GRM7: variants seen among roughly 807,000 people sequenced by gnomAD.
GRM7 encodes metabotropic glutamate receptor 7.
A neutral mutation model predicts 84.5 loss-of-function variants in GRM7; 35 were observed. That is an observed-to-expected ratio of 0.41 (90% confidence interval 0.32 to 0.55). The LOEUF is 0.55. Among genes scored for constraint, GRM7 ranks in the 20% least tolerant of loss-of-function variants. The pLI is 0.19. For synonymous variants in GRM7, 487 were observed against 455.1 expected (o/e 1.07, Z -0.89); for missense variants, 1,003 against 1,194.6 (o/e 0.84, Z 2.36).
chr3:7,651,011 T>A (rs1698911119), intron 8 of GRM7, among the ~76,000 whole-genome samples: 1 of 151,470 alleles, frequency 6.6e-6, no homozygotes, highest in Non-Finnish European at 1.5e-5. Flanking sequence ...ACTTTTTGAT[T>A]TGAAGGAAAA....
chr3:6,962,506 GGAA>G (rs1204629470), intron 1 of GRM7, among the ~76,000 whole-genome samples: 1 of 152,020 alleles, frequency 6.6e-6, no homozygotes, highest in Non-Finnish European at 1.5e-5. Context: ...TAAAACCTGA[GGAA>G]CATGAATATA....
intron 1 of GRM7, among the ~76,000 whole-genome samples, chr3:6,923,936 C>T (rs1697214007): frequency 6.6e-6 from 1 of 152,192 alleles, no homozygotes; most frequent in African/African-American, 2.4e-5. Flanking sequence ...CTTCTGTTCA[C>T]TCATGACAAT....
chr3:6,864,390 C>T (rs1266391127), intron 1 of GRM7, among the ~76,000 whole-genome samples: 1 of 152,166 alleles, frequency 6.6e-6, no homozygotes, highest in Admixed American at 6.5e-5. Context: ...ATCTTAGACG[C>T]TCCTGTCATG....
Position 7,363,554 on chromosome 3 carries a change from C to A in GRM7, c.1034-51469C>A, listed in dbSNP as rs547649254. ...TTATGATTATATACAAGTTTATACC[C>A]TTAATGGAAGAATAATGTATTCCCC... On this transcript the variant is annotated intron_variant, in intron 4 of 9. Transcript: ENST00000357716. 5.3e-5 allele frequency among the ~76,000 whole-genome samples: 8 copies of A among 152,140 alleles called. No homozygotes were observed. In the South Asian group the frequency reaches 1.7e-3, roughly 32 times the overall value.
At chr3:7,348,742 A>G (rs887267442) in intron 4 of GRM7, among the ~76,000 whole-genome samples, 1 of 152,014 alleles carries the variant, frequency 6.6e-6, no homozygotes, top group Non-Finnish European at 1.5e-5. Flanking sequence ...TACATCTCAG[A>G]TCTACTGAAT....
At chr3:7,171,739 A>G (rs1198394772) in intron 2 of GRM7, among the ~76,000 whole-genome samples, 1 of 152,160 alleles carries the variant, frequency 6.6e-6, no homozygotes, top group Non-Finnish European at 1.5e-5. Context: ...CATGAGACAT[A>G]GAGGCGTGAC....
At chr3:7,112,818 A>G (rs1163803209) in intron 1 of GRM7, among the ~76,000 whole-genome samples, 1 of 152,190 alleles carries the variant, frequency 6.6e-6, no homozygotes, top group Non-Finnish European at 1.5e-5. Flanking sequence ...TTTCAAGGTC[A>G]TGAGTGACTG....
Position 7,131,614 on chromosome 3 carries a change from G to A in GRM7, c.520-14838G>A, listed in dbSNP as rs149783571. ...CTGCCTCGGCCTCCTGAGTAGCGGG[G>A]ACTACAGGTGCACGCCACCATGCCC... On this transcript the variant is annotated intron_variant, in intron 1 of 9. Coordinates refer to ENST00000357716, the MANE Select transcript of GRM7 (RefSeq NM_000844.4). Among the ~76,000 whole-genome samples, 305 of 152,122 alleles carry A rather than the reference G, an allele frequency of 2.0e-3. 10 individuals carry two copies. In the East Asian group the frequency reaches 0.048, roughly 24 times the overall value.
intron 8 of GRM7, among the ~76,000 whole-genome samples, chr3:7,662,557 G>A (rs1430301762): frequency 6.6e-6 from 1 of 152,198 alleles, no homozygotes; most frequent in African/African-American, 2.4e-5. Context: ...TGTATCATAT[G>A]TTAGATGATA....
intron 1 of GRM7, among the ~76,000 whole-genome samples, chr3:6,892,389 A>G (rs907017125): frequency 6.6e-6 from 1 of 152,116 alleles, no homozygotes; most frequent in Non-Finnish European, 1.5e-5. Flanking sequence ...TATAATTTTG[A>G]TAGCGTGCCC....
At chr3:6,870,529 T>C (rs2124941428) in intron 1 of GRM7, among the ~76,000 whole-genome samples, 1 of 152,296 alleles carries the variant, frequency 6.6e-6, no homozygotes, top group Middle Eastern at 3.4e-3. Flanking sequence ...TCATTTACTC[T>C]AAATGTTGGC....
intron 2 of GRM7, among the ~76,000 whole-genome samples, chr3:7,212,176 C>T (rs1156328814): frequency 6.8e-6 from 1 of 147,734 alleles, no homozygotes; most frequent in Non-Finnish European, 1.5e-5. Context: ...AGCTTTTTGG[C>T]TTCTGTCATT....
intron 4 of GRM7, among the ~76,000 whole-genome samples, chr3:7,309,946 T>C (rs970743506): frequency 6.6e-6 from 1 of 152,144 alleles, no homozygotes; most frequent in African/African-American, 2.4e-5. Flanking sequence ...GTGTCTGCAT[T>C]GTCTGATGAG....
intron 4 of GRM7, among the ~76,000 whole-genome samples, chr3:7,321,111 A>C (rs946441087): frequency 6.6e-6 from 1 of 152,004 alleles, no homozygotes; most frequent in African/African-American, 2.4e-5. Context: ...GTAAAGTCAC[A>C]AAGAAAAATA....
intron 7 of GRM7, among the ~76,000 whole-genome samples, chr3:7,515,112 G>A (rs563531985): frequency 1.3e-5 from 2 of 151,110 alleles, no homozygotes; most frequent in South Asian, 2.1e-4. Context: ...GTGAGAATTA[G>A]GAATACACTT....
chr3:7,646,682 A>G (rs1414487425), intron 8 of GRM7, among the ~76,000 whole-genome samples: 2 of 152,080 alleles, frequency 1.3e-5, no homozygotes, highest in East Asian at 1.9e-4. Flanking sequence ...CCTGTGCTTC[A>G]TGGTGATTTT....
chr3:6,948,342 A>G (rs1236684665), intron 1 of GRM7, among the ~76,000 whole-genome samples: 18 of 152,240 alleles, frequency 1.2e-4, no homozygotes, highest in Non-Finnish European at 2.5e-4. Context: ...CTGGTTGTTC[A>G]GTTCCCATGT....
At chr3:6,889,592 A>T (rs756034038) in intron 1 of GRM7, among the ~76,000 whole-genome samples, 2 of 152,136 alleles carry the variant, frequency 1.3e-5, no homozygotes, top group Non-Finnish European at 2.9e-5. Context: ...CCACTTAATC[A>T]TCGTGGATAA....
At chr3:7,177,206 C>T (rs144880832) in intron 2 of GRM7, among the ~76,000 whole-genome samples, 111 of 152,252 alleles carry the variant, frequency 7.3e-4, no homozygotes, top group African/African-American at 2.5e-3. Context: ...CTCCAAAATG[C>T]ATAGCCTTTA....
Sources: gnomAD v4.1 joint callset for allele counts (sites outside exome capture counted in the v4.1 genomes callset) on GRCh38, gnomAD v4.1.1 for gene constraint, MANE v1.5 for transcripts, NCBI Gene and HGNC (gene_info 2026-07-23, HGNC 2026-07-21) for gene names.